RHOBTB2: variants seen among roughly 807,000 people sequenced by gnomAD.
The protein encoded by RHOBTB2 is rho-related BTB domain-containing protein 2.
Under a neutral mutation model 66.5 loss-of-function variants are expected in RHOBTB2, and 39 were observed. The ratio of observed to expected loss-of-function variants is 0.59; its 90% CI spans 0.45 to 0.77. The LOEUF (loss-of-function observed/expected upper bound fraction) is 0.77, where lower values mean the gene tolerates loss of function less well. RHOBTB2 is among the 30% of genes least tolerant of loss of function. RHOBTB2 has a pLI of 0.00. For synonymous variants in RHOBTB2, 390 were observed against 395.0 expected (o/e 0.99, Z 0.15); for missense variants, 755 against 999.1 (o/e 0.76, Z 3.29).
upstream of RHOBTB2, among the ~76,000 whole-genome samples, chr8:22,996,441 G>A (rs1419757639): frequency 6.6e-6 from 1 of 151,888 alleles, no homozygotes; most frequent in Non-Finnish European, 1.5e-5. Flanking sequence ...AGGCTGAACT[G>A]CTCCTCGGAA....
chr8:22,997,016 G>C (rs1047613750), upstream of RHOBTB2, among the ~76,000 whole-genome samples: 1 of 152,270 alleles, frequency 6.6e-6, no homozygotes, highest in South Asian at 2.1e-4. Context: ...GCCACAACTG[G>C]GGCACAGGCC....
the RHOBTB2 span, among the ~76,000 whole-genome samples, chr8:22,956,598 AAT>A: frequency 2.0e-5 from 3 of 152,164 alleles, no homozygotes; most frequent in Admixed American, 2.0e-4. Context: ...CAGCCTGTGG[AAT>A]CATGAGCCAA....
chr8:22,978,669 A>G, the RHOBTB2 span, among the ~76,000 whole-genome samples: 4 of 152,042 alleles, frequency 2.6e-5, no homozygotes, highest in African/African-American at 9.7e-5. Flanking sequence ...TAGAAGAAAG[A>G]AAGGAAAAAA....
upstream of RHOBTB2, among the ~76,000 whole-genome samples, chr8:22,986,140 TTCTC>T (rs58840002): frequency 0.22 from 32,835 of 147,784 alleles, 3,919 homozygotes; most frequent in African/African-American, 0.31. Context: ...GACGGTGGAC[TTCTC>T]TCTCTCTCTC....
intron 1 of RHOBTB2, among the ~76,000 whole-genome samples, chr8:22,990,697 G>A (rs939457019): frequency 1.1e-4 from 17 of 152,172 alleles, no homozygotes; most frequent in Non-Finnish European, 1.9e-4. Flanking sequence ...CAACCAGAAG[G>A]TTGAGGCGTG....
intron 1 of RHOBTB2, chr8:22,987,567 A>C (rs548775895): frequency 1.3e-5 from 2 of 152,538 alleles, no homozygotes; most frequent in Non-Finnish European, 2.9e-5. Flanking sequence ...GTGGCAGGTA[A>C]GTCTACAATC....
chr8:22,981,574 G>C, the RHOBTB2 span, among the ~76,000 whole-genome samples: 4 of 152,206 alleles, frequency 2.6e-5, no homozygotes, highest in African/African-American at 9.6e-5. Context: ...CCTCGAATTA[G>C]GGAATTCAGG....
rs61754072 is a variant in RHOBTB2 at position 23,014,708 on chromosome 8, G to A, written c.1790G>A (p.Gly597Glu). ...GTTACAGAGCAGTACACAGTGACCGGGCTGATGGAAGCGACCCAGATGATG... is the reference window on the plus strand; with the variant it reads ...GTTACAGAGCAGTACACAGTGACCGAGCTGATGGAAGCGACCCAGATGATG... ...VALTEQYTVT[G>E]LMEATQMMVD... is the part of the protein sequence containing the mutation. The change falls in exon 8 of 10, where the codon GGG becomes GAG. Residue 597 changes from glycine (G) to glutamate (E), a missense_variant. Physicochemically the swap from Gly to Glu is moderately conservative, Grantham distance 98. Coordinates refer to ENST00000251822, the MANE Select transcript of RHOBTB2 (RefSeq NM_015178.3). 2 of 1,614,126 alleles carry A rather than the reference G, an allele frequency of 1.2e-6. No individual in the cohort carries two copies. Among genetic ancestry groups the A allele is most frequent in the Non-Finnish European group, 1.7e-6 (2 of 1,179,984 alleles).
chr8:23,002,190 T>C (rs1044203941), intron 1 of RHOBTB2, among the ~76,000 whole-genome samples: 1 of 152,246 alleles, frequency 6.6e-6, no homozygotes, highest in Non-Finnish European at 1.5e-5. Flanking sequence ...GTTTTAATCT[T>C]TATCCTCCAG....
Position 23,007,846 on chromosome 8 carries a change from C to T in RHOBTB2, c.1501+100C>T, listed in dbSNP as rs1811021047. ...GTGTCCTGGAGCTGCGGCTGCCATG[C>T]TCTTGAAGCCTGGTTTTCCCCAGCT... On this transcript the variant is annotated intron_variant, in intron 5 of 9. Coordinates refer to ENST00000251822, the MANE Select transcript of RHOBTB2 (RefSeq NM_015178.3). 3.3e-6 allele frequency: 5 copies of T among 1,515,820 alleles called. No homozygotes were observed. In the African/African-American group the frequency reaches 4.2e-5, roughly 13 times the overall value. 93.9% of individuals were successfully genotyped at this position (1,515,820 alleles called of 1,614,324 possible). A position where few individuals can be genotyped will look rare whatever the true frequency, so the allele number is the denominator to read the frequency against.
At chr8:22,986,265 CTT>C (rs33995780), upstream of RHOBTB2, among the ~76,000 whole-genome samples, 4,662 of 84,926 alleles carry the variant, frequency 0.055, 104 homozygotes, top group East Asian at 0.19. Context: ...CAGTGCATTG[CTT>C]TTTTTTTTTT....
the RHOBTB2 span, among the ~76,000 whole-genome samples, chr8:22,957,618 C>A: frequency 1.3e-5 from 2 of 152,162 alleles, no homozygotes; most frequent in South Asian, 2.1e-4. Flanking sequence ...TAACGAGATG[C>A]AGATGAACTA....
the RHOBTB2 span, among the ~76,000 whole-genome samples, chr8:22,974,935 T>C: frequency 6.6e-6 from 1 of 152,164 alleles, no homozygotes; most frequent in African/African-American, 2.4e-5. Flanking sequence ...ATTGTCCCTC[T>C]TCATCTGGGG....
chr8:22,976,591 G>A, the RHOBTB2 span, among the ~76,000 whole-genome samples: 2 of 152,172 alleles, frequency 1.3e-5, no homozygotes, highest in African/African-American at 4.8e-5. Flanking sequence ...TGGGGTAAAT[G>A]TCAGAAGCAC....
At chr8:22,953,567 C>G in the RHOBTB2 span, among the ~76,000 whole-genome samples, 1 of 152,206 alleles carries the variant, frequency 6.6e-6, no homozygotes, top group Non-Finnish European at 1.5e-5. Flanking sequence ...TAACATATCT[C>G]TCAGTGTAGG....
the RHOBTB2 span, among the ~76,000 whole-genome samples, chr8:22,965,420 AG>A: frequency 1.3e-5 from 2 of 151,714 alleles, no homozygotes; most frequent in Non-Finnish European, 2.9e-5. Context: ...TTGCAGAAAT[AG>A]AAAAAAAATT....
At chr8:22,989,852 G>T (rs1810382042) in intron 1 of RHOBTB2, among the ~76,000 whole-genome samples, 1 of 152,200 alleles carries the variant, frequency 6.6e-6, no homozygotes, top group Admixed American at 6.5e-5. Flanking sequence ...TCCCCAAGAG[G>T]CTCTGAGCCA....
chr8:22,997,110 G>A (rs1810591745), upstream of RHOBTB2, among the ~76,000 whole-genome samples: 1 of 152,134 alleles, frequency 6.6e-6, no homozygotes, highest in Non-Finnish European at 1.5e-5. Flanking sequence ...AACCGCTGGA[G>A]CTCCTCGCAG....
In RHOBTB2 at chr8:23,015,834, A is replaced by C. The variant is rs938081404; in HGVS notation, c.1966+91A>C. 1.3e-5 allele frequency: 12 copies of C among 931,184 alleles called. No individual in the cohort carries two copies. In the African/African-American group the frequency reaches 2.0e-4, roughly 15 times the overall value. The allele number at this position is 931,184 out of a possible 1,614,324, so 57.7% of individuals were successfully genotyped here. A position where few individuals can be genotyped will look rare whatever the true frequency, so the allele number is the denominator to read the frequency against. ...TAATCCCAGGGACCCCGAGGCTGCC[A>C]GTAATCCTTGACCTTGGGGCTGGGA... On this transcript the variant is annotated intron_variant, in intron 9 of 9. Coordinates refer to ENST00000251822, the MANE Select transcript of RHOBTB2 (RefSeq NM_015178.3).
Sources: gnomAD v4.1 joint callset for allele counts (sites outside exome capture counted in the v4.1 genomes callset) on GRCh38, gnomAD v4.1.1 for gene constraint, MANE v1.5 for transcripts, NCBI Gene and HGNC (gene_info 2026-07-23, HGNC 2026-07-21) for gene names.